The following DNAH6 variants were observed in gnomAD, a reference collection of about 807,000 sequenced individuals.
The protein encoded by DNAH6 is dynein axonemal heavy chain 6.
DNAH6 carries 340 observed loss-of-function variants against 491.4 expected under a neutral mutation model. That is an observed-to-expected ratio of 0.69 (90% confidence interval 0.63 to 0.76). The LOEUF (loss-of-function observed/expected upper bound fraction) is 0.76. Ranked by LOEUF, DNAH6 falls within the 30% of genes least tolerant of loss-of-function variation. The probability of loss-of-function intolerance (pLI) is 0.00; values close to 1 mark genes in which losing one functional copy is unlikely to be tolerated. For synonymous variants in DNAH6, 1,603 were observed against 1,686.1 expected, an observed-to-expected ratio of 0.95 and a Z score of 1.21; for missense variants, 4,443 against 4,972.2, an observed-to-expected ratio of 0.89 and a Z score of 3.20.
intron 10 of DNAH6, among the ~76,000 whole-genome samples, chr2:84,556,352 A>C (rs1476583887): frequency 6.7e-6 from 1 of 149,308 alleles, no homozygotes; most frequent in African/African-American, 2.6e-5. Context: ...GGCTGACTGC[A>C]TCTGCAGAGT....
chr2:84,781,435 T>C, intron 64 of DNAH6, 58 bp from the exon 65 acceptor site: 1 of 1,400,772 alleles, frequency 7.1e-7, no homozygotes, highest in Non-Finnish European at 9.6e-7. Flanking sequence ...TATTTCTTCA[T>C]ATTGATTTTG....
chr2:84,706,575 T>A (rs927999735), intron 52 of DNAH6, among the ~76,000 whole-genome samples: 1 of 152,240 alleles, frequency 6.6e-6, no homozygotes. Flanking sequence ...GTTTCCACTA[T>A]GGCATGAATA....
intron 51 of DNAH6, 90 bp downstream of exon 51, chr2:84,704,392 C>A (rs1696234547): frequency 1.1e-6 from 1 of 921,910 alleles, no homozygotes; most frequent in Non-Finnish European, 1.6e-6. Context: ...TCATTCCCTT[C>A]TCCACCTTCT....
At position 84,797,410 on chromosome 2, in the gene DNAH6, C is replaced by T. The variant is rs1678458439; in HGVS notation, c.11360-127C>T. 4 of 838,860 alleles carry T rather than the reference C, an allele frequency of 4.8e-6. No individual in the cohort carries two copies. In the Admixed American group the frequency reaches 9.1e-5, roughly 19 times the overall value. 52.0% of individuals were successfully genotyped at this position (838,860 alleles called of 1,614,324 possible). ...TGAAAGCATGAAAGCTTAGGAAAAA[C>T]AATCCCCCTTTCTACATGAGCCAGC... On this transcript the variant is annotated intron_variant, in intron 69 of 76. Transcript: ENST00000389394.
At chr2:84,661,294 A>G (rs1691482443) in intron 37 of DNAH6, among the ~76,000 whole-genome samples, 1 of 152,154 alleles carries the variant, frequency 6.6e-6, no homozygotes, top group Non-Finnish European at 1.5e-5. Flanking sequence ...AATATCCTCT[A>G]TTACAACTTT....
intron 4 of DNAH6, among the ~76,000 whole-genome samples, chr2:84,537,893 G>T (rs1156575009): frequency 6.6e-6 from 1 of 152,030 alleles, no homozygotes; most frequent in Non-Finnish European, 1.5e-5. Flanking sequence ...GCATAGTGGG[G>T]TACTAAGTCT....
rs917182485 is a variant in DNAH6, at chr2:84,699,701, T to C, written c.7785T>C (p.Leu2595=). Residue 2595 remains leucine, a synonymous_variant, in exon 48 of 77, where the codon CTT becomes CTC. Transcript: ENST00000389394. Reference sequence around the variant, plus strand: ...CCCGATGCAGGATGTTTCCATCCCTTGTGAATTGCTGCACCATTGACTGGT... The same window carrying C: ...CCCGATGCAGGATGTTTCCATCCCTCGTGAATTGCTGCACCATTGACTGGT... ...FRSRCRMFPS[L]VNCCTIDWFV... is the part of the protein sequence containing the mutation. 20 of 1,551,590 alleles carry C rather than the reference T, an allele frequency of 1.3e-5. No homozygotes were observed. In the East Asian group the frequency reaches 3.4e-4, roughly 27 times the overall value.
At chr2:84,748,564 T>A (rs1673177999) in intron 63 of DNAH6, among the ~76,000 whole-genome samples, 1 of 152,202 alleles carries the variant, frequency 6.6e-6, no homozygotes. Context: ...TGAGACTTTA[T>A]CAGCCTGGCT....
At chr2:84,621,879 A>AT (rs1687430758) in intron 26 of DNAH6, among the ~76,000 whole-genome samples, 11 of 152,290 alleles carry the variant, frequency 7.2e-5, no homozygotes, top group Admixed American at 7.2e-4. Flanking sequence ...AGGGAAGTTT[A>AT]TTCAGTCCAG....
the DNAH6 span, among the ~76,000 whole-genome samples, chr2:84,472,774 A>G: frequency 6.6e-6 from 1 of 152,234 alleles, no homozygotes; most frequent in African/African-American, 2.4e-5. Flanking sequence ...TTAAAGGGCC[A>G]AGGAGGTTAG....
At chr2:84,618,946 A>C (rs1687137195) in intron 23 of DNAH6, among the ~76,000 whole-genome samples, 1 of 152,200 alleles carries the variant, frequency 6.6e-6, no homozygotes, top group African/African-American at 2.4e-5. Context: ...TGTGACAATG[A>C]AACGTTATTT....
chr2:84,508,201 CT>C, the DNAH6 span, among the ~76,000 whole-genome samples: 2 of 152,096 alleles, frequency 1.3e-5, no homozygotes, highest in Admixed American at 6.6e-5. Context: ...TGGTCCTGGA[CT>C]TTTTTTGGTT....
chr2:84,796,436 T>A lies in DNAH6; in HGVS notation c.11359+11T>A. The A allele has an allele frequency of 6.7e-7, 1 of 1,494,358 alleles. No individual in the cohort carries two copies. The highest frequency in any genetic ancestry group is 1.4e-5 in the African/African-American group (1 of 70,368). 92.6% of individuals were successfully genotyped at this position (1,494,358 alleles called of 1,614,324 possible). On this transcript the variant is annotated intron_variant, in intron 69 of 76. Transcript: ENST00000389394. Reference sequence around the variant, plus strand: ...AATACTCTGAATCAGGTGAATGACTTTTCAATATTACAGAAAAGGCCTTTC... The same window carrying A: ...AATACTCTGAATCAGGTGAATGACTATTCAATATTACAGAAAAGGCCTTTC...
intron 21 of DNAH6, among the ~76,000 whole-genome samples, chr2:84,611,390 C>G (rs1686315108): frequency 6.6e-6 from 1 of 152,008 alleles, no homozygotes; most frequent in Non-Finnish European, 1.5e-5. Context: ...ATCGTGCTGC[C>G]CCCTGAATCT....
chr2:84,641,988 T>A lies in DNAH6; in HGVS notation c.5012T>A (p.Val1671Glu). The change falls in exon 33 of 77, where the codon GTG becomes GAG. Residue 1671 changes from valine (V) to glutamate (E), a missense_variant. By Grantham distance (121) the Val-to-Glu change is moderately radical. Coordinates refer to ENST00000389394, the MANE Select transcript of DNAH6 (RefSeq NM_001370.2). ...AACCCAGACCTAAATGAAGATGTGG[T>A]GTTGATAAGAGCTTTACAAGACTCC... ...RENPDLNEDV[V>E]LIRALQDSNL... 1 of 1,550,998 alleles carries A rather than the reference T, an allele frequency of 6.4e-7. No individual in the cohort carries two copies. Among genetic ancestry groups the A allele is most frequent in the Non-Finnish European group, 8.7e-7 (1 of 1,146,572 alleles).
At chr2:84,576,720 T>G (rs1391376394) in intron 12 of DNAH6, among the ~76,000 whole-genome samples, 1 of 152,154 alleles carries the variant, frequency 6.6e-6, no homozygotes, top group African/African-American at 2.4e-5. Context: ...GCAAGAAGAT[T>G]ATCAAAATGC....
At chr2:84,605,316 G>C (rs544610448) in intron 19 of DNAH6, among the ~76,000 whole-genome samples, 184 bp from the exon 20 acceptor site, 1 of 142,932 alleles carries the variant, frequency 7.0e-6, no homozygotes, top group Admixed American at 7.1e-5. Context: ...TTACACCACC[G>C]CACTCCAGCC....
chr2:84,502,103 A>G, the DNAH6 span, among the ~76,000 whole-genome samples: 1 of 152,218 alleles, frequency 6.6e-6, no homozygotes, highest in Middle Eastern at 3.4e-3. Flanking sequence ...CAGTTCTTTA[A>G]GAAGCATCAT....
chr2:84,512,276 T>C (rs181920414), upstream of DNAH6, among the ~76,000 whole-genome samples: 7 of 152,114 alleles, frequency 4.6e-5, no homozygotes, highest in East Asian at 1.2e-3. Context: ...AAGTCCAAAG[T>C]TGAGAGGCCA....
Sources: gnomAD v4.1 joint callset for allele counts (sites outside exome capture counted in the v4.1 genomes callset) on GRCh38, gnomAD v4.1.1 for gene constraint, MANE v1.5 for transcripts, NCBI Gene and HGNC (gene_info 2026-07-23, HGNC 2026-07-21) for gene names.